The following TENM1 variants were observed in gnomAD, a reference collection of about 807,000 sequenced individuals.
TENM1 encodes teneurin transmembrane protein 1.
TENM1 carries 35 observed loss-of-function variants against 174.8 expected under a neutral mutation model. The ratio of observed to expected loss-of-function variants is 0.20; its 90% CI spans 0.15 to 0.27. The LOEUF (loss-of-function observed/expected upper bound fraction) is 0.27, where lower values mean the gene tolerates loss of function less well. Among genes scored for constraint, TENM1 ranks in the 10% least tolerant of loss-of-function variants. TENM1 has a pLI of 1.00. For synonymous variants in TENM1, 781 were observed against 798.7 expected, an observed-to-expected ratio of 0.98 and a Z score of 0.37; for missense variants, 1,633 against 2,130.1, an observed-to-expected ratio of 0.77 and a Z score of 4.59.
chrX:124,633,427 T>G (rs774270607), intron 11 of TENM1, among the ~76,000 whole-genome samples: 1 of 111,867 alleles, frequency 8.9e-6, no homozygotes, highest in African/African-American at 3.2e-5. Context: ...GCCGCAAACT[T>G]ACCTTTTACT....
In TENM1 at chrX:124,642,732, T is replaced by C. The variant is rs936049447; in HGVS notation, c.1877-741A>G. On this transcript the variant is annotated intron_variant, in intron 10 of 31. Transcript: ENST00000422452. Reference sequence around the variant, plus strand: ...ACAAATGTGTATACTGTTTTAGAGGTAGGTTCTTGTGCTTGCCTGGGGGAA... The same window carrying C: ...ACAAATGTGTATACTGTTTTAGAGGCAGGTTCTTGTGCTTGCCTGGGGGAA... Among the ~76,000 whole-genome samples the C allele has an allele frequency of 6.3e-5, 7 of 111,970 alleles. No homozygotes were observed. The East Asian group carries it at 1.7e-3, about 27-fold the overall frequency.
At chrX:124,803,797 C>T (rs2055517323) in intron 3 of TENM1, among the ~76,000 whole-genome samples, 1 of 111,644 alleles carries the variant, frequency 9.0e-6, no homozygotes, top group African/African-American at 3.3e-5. Context: ...CAATATAATC[C>T]ATAATAAATT....
At chrX:124,696,613 T>C (rs1312096558) in intron 5 of TENM1, among the ~76,000 whole-genome samples, 1 of 111,540 alleles carries the variant, frequency 9.0e-6, no homozygotes, top group Non-Finnish European at 1.9e-5. Context: ...AAATCTTTTA[T>C]CTGCTCTCTT....
At chrX:125,082,826 C>T in the TENM1 span, among the ~76,000 whole-genome samples, 1 of 110,786 alleles carries the variant, frequency 9.0e-6, no homozygotes, top group Non-Finnish European at 1.9e-5. Flanking sequence ...TTGTATATAT[C>T]TATGGGGTAC....
the TENM1 span, among the ~76,000 whole-genome samples, chrX:125,041,721 T>C: frequency 8.9e-6 from 1 of 111,826 alleles, no homozygotes; most frequent in Non-Finnish European, 1.9e-5. Context: ...GTTTTGGGGC[T>C]AGTGCCCTAA....
chrX:124,462,430 G>T (rs1264318295), intron 22 of TENM1, among the ~76,000 whole-genome samples: 1 of 86,281 alleles, frequency 1.2e-5, no homozygotes, highest in Non-Finnish European at 2.2e-5. Flanking sequence ...GTGTGTGTGT[G>T]TGGGGGGGGT....
At position 124,614,952 on chromosome X, in the gene TENM1, T is replaced by C. The variant is rs777014759; in HGVS notation, c.2077+26839A>G. Among the ~76,000 whole-genome samples, 490 of 111,846 alleles carry C rather than the reference T, an allele frequency of 4.4e-3. 2 individuals are homozygous for C. Among genetic ancestry groups the C allele is most frequent in the African/African-American group, 0.015 (460 of 30,804 alleles). ...AGCCAAGGATAGAGACCAGGAGGAA[T>C]TGATCATGCTTCAAGAGCTAGGAAC... On this transcript the variant is annotated intron_variant, in intron 11 of 31. Transcript: ENST00000422452.
chrX:124,534,462 T>C (rs1055131813), intron 15 of TENM1, among the ~76,000 whole-genome samples: 3 of 111,839 alleles, frequency 2.7e-5, no homozygotes, highest in Admixed American at 1.9e-4. Flanking sequence ...TCAAGCACAA[T>C]AGTTGGTTTG....
At chrX:124,606,155 A>G (rs1478487853) in intron 11 of TENM1, among the ~76,000 whole-genome samples, 1 of 111,160 alleles carries the variant, frequency 9.0e-6, no homozygotes, top group Non-Finnish European at 1.9e-5. Flanking sequence ...TAAAAAATGC[A>G]TATTCTTGGG....
chrX:125,166,381 A>G, the TENM1 span, among the ~76,000 whole-genome samples: 1 of 111,147 alleles, frequency 9.0e-6, no homozygotes, highest in Non-Finnish European at 1.9e-5. Flanking sequence ...CTTGGGCAAT[A>G]AACTGGAAAA....
chrX:125,097,652 G>C, the TENM1 span, among the ~76,000 whole-genome samples: 1 of 112,009 alleles, frequency 8.9e-6, no homozygotes, highest in African/African-American at 3.2e-5. Context: ...ACACAAATAT[G>C]ATACAATATT....
chrX:124,468,379 T>C (rs886725124), intron 22 of TENM1, among the ~76,000 whole-genome samples: 4 of 111,422 alleles, frequency 3.6e-5, no homozygotes, highest in African/African-American at 9.8e-5. Context: ...GGTTTCATCA[T>C]GTTGGCCAGG....
At chrX:124,449,526 G>A (rs1037176196) in intron 23 of TENM1, among the ~76,000 whole-genome samples, 7 of 112,243 alleles carry the variant, frequency 6.2e-5, no homozygotes, top group East Asian at 2.8e-4. Context: ...TTGACTGATT[G>A]CAATACTAAA....
chrX:124,443,056 G>C (rs2060924308), intron 23 of TENM1, among the ~76,000 whole-genome samples: 1 of 59,902 alleles, frequency 1.7e-5, no homozygotes, highest in Non-Finnish European at 3.4e-5. Flanking sequence ...GTGTGTGTGT[G>C]TGTGTGTGTG....
chrX:124,472,361 G>T (rs1354106505), intron 22 of TENM1, among the ~76,000 whole-genome samples: 1 of 93,211 alleles, frequency 1.1e-5, no homozygotes, highest in Admixed American at 1.2e-4. Flanking sequence ...AAAAAAAGCG[G>T]CTGACTATGA....
At chrX:124,661,362 T>C (rs928409189) in intron 6 of TENM1, among the ~76,000 whole-genome samples, 7 of 112,108 alleles carry the variant, frequency 6.2e-5, no homozygotes, top group Admixed American at 2.8e-4. Context: ...TACAGTTAGA[T>C]AGTGTGAATT....
intron 11 of TENM1, among the ~76,000 whole-genome samples, chrX:124,630,620 CAG>C (rs1269394356): frequency 6.3e-5 from 7 of 111,883 alleles, no homozygotes; most frequent in Non-Finnish European, 1.3e-4. Context: ...TATGGAAAGT[CAG>C]AGCTGTGCCA....
intron 4 of TENM1, among the ~76,000 whole-genome samples, chrX:124,735,886 T>C (rs1421721297): frequency 9.0e-6 from 1 of 111,525 alleles, no homozygotes; most frequent in Non-Finnish European, 1.9e-5. Flanking sequence ...ACAATGGCTA[T>C]TCATGGACAT....
the TENM1 span, among the ~76,000 whole-genome samples, chrX:125,035,682 C>A: frequency 2.7e-5 from 3 of 111,601 alleles, no homozygotes; most frequent in Non-Finnish European, 5.7e-5. Context: ...TAGTTCTTAG[C>A]CAGAAAATGG....
Sources: allele counts gnomAD v4.1 joint callset (sites outside exome capture counted in the v4.1 genomes callset), GRCh38; gene constraint gnomAD v4.1.1; transcripts MANE v1.5; gene names NCBI Gene and HGNC (gene_info 2026-07-23, HGNC 2026-07-21).